The following MAP4K4 variants were observed in gnomAD, a reference collection of about 807,000 sequenced individuals.
The protein encoded by MAP4K4 is mitogen-activated protein kinase kinase kinase kinase 4, also known as HPK/GCK-like kinase HGK.
Under a neutral mutation model 189.6 loss-of-function variants are expected in MAP4K4, and 38 were observed. The observed-to-expected ratio is 0.20, with a 90% confidence interval of 0.15 to 0.26. The LOEUF is 0.26. Ranked by LOEUF, MAP4K4 falls within the 10% of genes least tolerant of loss-of-function variation. The pLI is 1.00. For synonymous variants in MAP4K4, 610 were observed against 624.3 expected, an observed-to-expected ratio of 0.98 and a Z score of 0.34; for missense variants, 1,054 against 1,726.9, an observed-to-expected ratio of 0.61 and a Z score of 6.91.
chr2:101,871,885 CA>C (rs1019393910), intron 24 of MAP4K4, among the ~76,000 whole-genome samples, 200 bp downstream of exon 24: 11 of 152,196 alleles, frequency 7.2e-5, no homozygotes, highest in African/African-American at 2.4e-4. Flanking sequence ...TCAGCTCCCC[CA>C]AACTTGCCAG....
intron 12 of MAP4K4, among the ~76,000 whole-genome samples, chr2:101,855,334 C>T (rs770876391): frequency 5.9e-5 from 9 of 152,244 alleles, no homozygotes; most frequent in African/African-American, 1.4e-4. Flanking sequence ...AACCTGCTTT[C>T]GCATCTGTAA....
intron 2 of MAP4K4, among the ~76,000 whole-genome samples, chr2:101,780,739 A>G (rs1220684496): frequency 2.0e-5 from 3 of 152,210 alleles, no homozygotes; most frequent in Non-Finnish European, 4.4e-5. Flanking sequence ...CTCATTGGTC[A>G]GTTAGTAATC....
At chr2:101,887,024 CAAAAAAAAAAA>C (rs569902749) in intron 29 of MAP4K4, 53 bp from the exon 30 acceptor site, 9 of 847,536 alleles carry the variant, frequency 1.1e-5, no homozygotes, top group Non-Finnish European at 9.7e-6. Context: ...GACTCCGTCT[CAAAAAAAAAAA>C]AAAAAAAAAT....
chr2:101,804,072 T>C (rs921669043), intron 3 of MAP4K4, among the ~76,000 whole-genome samples: 1 of 152,162 alleles, frequency 6.6e-6, no homozygotes, highest in Non-Finnish European at 1.5e-5. Flanking sequence ...GAAAATCCCC[T>C]TAGAAAGCTG....
At chr2:101,735,284 T>G (rs935067508) in intron 2 of MAP4K4, among the ~76,000 whole-genome samples, 3 of 152,098 alleles carry the variant, frequency 2.0e-5, no homozygotes, top group Admixed American at 2.0e-4. Flanking sequence ...GGGCAAATGG[T>G]CACCTACAGT....
chr2:101,885,449 C>G (rs753963859), intron 29 of MAP4K4, among the ~76,000 whole-genome samples, 162 bp downstream of exon 29: 2 of 152,144 alleles, frequency 1.3e-5, no homozygotes, highest in Non-Finnish European at 2.9e-5. Context: ...ATGTAATAAG[C>G]TTAGTTAAGC....
intron 3 of MAP4K4, among the ~76,000 whole-genome samples, chr2:101,796,760 A>T (rs1418844020): frequency 6.6e-6 from 1 of 152,090 alleles, no homozygotes; most frequent in Admixed American, 6.5e-5. Flanking sequence ...ATTGGGCATG[A>T]TGTCTTTTGG....
At chr2:101,824,256 A>G (rs2149340428) in intron 4 of MAP4K4, among the ~76,000 whole-genome samples, 1 of 152,300 alleles carries the variant, frequency 6.6e-6, no homozygotes, top group Non-Finnish European at 1.5e-5. Context: ...TCGATTTCAC[A>G]TTGCGTGGAA....
intron 26 of MAP4K4, 59 bp from the exon 27 acceptor site, chr2:101,876,944 A>C (rs2098222483): frequency 6.4e-7 from 1 of 1,574,426 alleles, no homozygotes. Flanking sequence ...CTTTCTATAC[A>C]ACCTGGGGAT....
intron 2 of MAP4K4, among the ~76,000 whole-genome samples, chr2:101,761,128 A>G (rs2076195451): frequency 6.6e-6 from 1 of 152,268 alleles, no homozygotes; most frequent in African/African-American, 2.4e-5. Flanking sequence ...CAGAATGTCA[A>G]GGCTATAATA....
intron 1 of MAP4K4, 45 bp downstream of exon 1, chr2:101,698,182 A>T: frequency 2.1e-6 from 2 of 934,418 alleles, no homozygotes; most frequent in Non-Finnish European, 2.6e-6. Flanking sequence ...GGCAGCCGGC[A>T]GCCGGCAGCC....
exon 18 of MAP4K4, chr2:101,864,945 A>T: frequency 6.4e-7 from 1 of 1,572,884 alleles, no homozygotes; most frequent in Non-Finnish European, 8.6e-7. Context: ...TGTGAGAACA[A>T]CATCTCGCTC....
rs565946320 is a variant in MAP4K4, at chr2:101,883,425, G to A, written c.3520+740G>A. On this transcript the variant is annotated intron_variant, in intron 28 of 32. Transcript: ENST00000324219. The stretch of plus-strand genomic sequence containing the variant: ...CAGCTCACTGCAACCTCCACCTCCC[G>A]GGTTCAAGCAATTCTCCTGCCTCAG... 1.3e-3 allele frequency among the ~76,000 whole-genome samples: 192 copies of A among 152,076 alleles called. 1 individual carries two copies. Among genetic ancestry groups the A allele is most frequent in the African/African-American group, 4.5e-3 (188 of 41,464 alleles).
intron 3 of MAP4K4, among the ~76,000 whole-genome samples, chr2:101,821,612 C>G (rs762339345): frequency 3.9e-5 from 6 of 152,158 alleles, no homozygotes; most frequent in Admixed American, 2.0e-4. Context: ...GGAGGTTGCT[C>G]TGGGTGAATC....
At chr2:101,811,803 T>TGGCAAAAA (rs2095446343) in intron 3 of MAP4K4, among the ~76,000 whole-genome samples, 1 of 152,172 alleles carries the variant, frequency 6.6e-6, no homozygotes, top group Non-Finnish European at 1.5e-5. Context: ...CTTACTGACC[T>TGGCAAAAA]TCATTTTTTT....
At chr2:101,737,447 ATATATATATATATATTTTTTTT>A (rs1339957943) in intron 2 of MAP4K4, among the ~76,000 whole-genome samples, 2 of 33,484 alleles carry the variant, frequency 6.0e-5, no homozygotes, top group African/African-American at 3.8e-4. Context: ...ATATATATAT[ATATATATATATATATTTTTTTT>A]TTTTTTTTTT....
intron 22 of MAP4K4, 96 bp downstream of exon 22, chr2:101,869,893 A>G (rs1207449095): frequency 5.6e-6 from 8 of 1,422,144 alleles, no homozygotes; most frequent in Non-Finnish European, 6.5e-6. Context: ...CCGTGACCCC[A>G]TGAGCACTTA....
chr2:101,708,320 A>G (rs892993626), intron 2 of MAP4K4, among the ~76,000 whole-genome samples: 1 of 152,244 alleles, frequency 6.6e-6, no homozygotes, highest in Non-Finnish European at 1.5e-5. Context: ...AACAATAACA[A>G]TACCAACAGA....
chr2:101,882,819 T>A, intron 28 of MAP4K4, 134 bp downstream of exon 28: 1 of 899,858 alleles, frequency 1.1e-6, no homozygotes, highest in Non-Finnish European at 1.7e-6. Context: ...TCATTTCTGG[T>A]GTTCTTTCTG....
Sources: gnomAD v4.1 joint callset for allele counts (sites outside exome capture counted in the v4.1 genomes callset) on GRCh38, gnomAD v4.1.1 for gene constraint, MANE v1.5 for transcripts, NCBI Gene and HGNC (gene_info 2026-07-23, HGNC 2026-07-21) for gene names.